The following CLNS1A variants were observed in gnomAD, a reference collection of about 807,000 sequenced individuals.
The protein encoded by CLNS1A is methylosome subunit pICln.
In CLNS1A, 16 loss-of-function variants were observed where a neutral mutation model predicts 29.4. That is an observed-to-expected ratio of 0.54 (90% CI 0.37 to 0.83). The LOEUF is 0.83. Among genes scored for constraint, CLNS1A ranks in the 40% least tolerant of loss-of-function variants. The pLI is 0.00. For missense variants in CLNS1A, 235 were observed against 287.4 expected, an observed-to-expected ratio of 0.82 and a Z score of 1.32; for synonymous variants, 96 against 104.8, an observed-to-expected ratio of 0.92 and a Z score of 0.51.
intron 1 of CLNS1A, among the ~76,000 whole-genome samples, chr11:77,634,064 G>A (rs1590804635): frequency 2.6e-5 from 4 of 151,194 alleles, no homozygotes; most frequent in African/African-American, 9.7e-5. Context: ...TTGCGCCATT[G>A]CATTCCAGCC....
At chr11:77,616,784 C>CT (rs778321720) in intron 6 of CLNS1A, 89 bp from the exon 7 acceptor site, 2 of 152,142 alleles carry the variant, frequency 1.3e-5, no homozygotes, top group Non-Finnish European at 2.9e-5. Context: ...TGCCAGAGGA[C>CT]TTAGGTACAT....
chr11:77,625,531 C>A, intron 3 of CLNS1A, 186 bp downstream of exon 3: 1 of 554,786 alleles, frequency 1.8e-6, no homozygotes, highest in Non-Finnish European at 3.1e-6. Context: ...ACTACATTCA[C>A]AACCTTTGAT....
chr11:77,626,481 A>G (rs1450024252), intron 2 of CLNS1A, among the ~76,000 whole-genome samples: 1 of 152,096 alleles, frequency 6.6e-6, no homozygotes, highest in Non-Finnish European at 1.5e-5. Flanking sequence ...TCTACTAAAA[A>G]TACAAAAATT....
intron 1 of CLNS1A, among the ~76,000 whole-genome samples, chr11:77,630,163 T>C (rs1357811902): frequency 6.6e-6 from 1 of 152,240 alleles, no homozygotes; most frequent in African/African-American, 2.4e-5. Flanking sequence ...TATGTTTCTA[T>C]GACTTTCATG....
At chr11:77,637,501 C>T in intron 1 of CLNS1A, 89 bp downstream of exon 1, 1 of 1,462,758 alleles carries the variant, frequency 6.8e-7, no homozygotes. Context: ...GCCTCCAGGC[C>T]GCCCCTTGCC....
intron 5 of CLNS1A, chr11:77,622,064 G>T (rs569021529): frequency 1.1e-5 from 5 of 456,280 alleles, no homozygotes; most frequent in East Asian, 1.4e-4. Context: ...TGCCTGAATT[G>T]ACAGCCCTCA....
intron 1 of CLNS1A, among the ~76,000 whole-genome samples, chr11:77,633,084 CAA>C (rs887085397): frequency 2.2e-4 from 12 of 55,580 alleles, no homozygotes; most frequent in Middle Eastern, 9.3e-3. Context: ...GACTCCATCT[CAA>C]AAAAAAAAAA....
chr11:77,617,202 C>T (rs936553579), intron 6 of CLNS1A, among the ~76,000 whole-genome samples: 2 of 151,756 alleles, frequency 1.3e-5, no homozygotes, highest in African/African-American at 4.8e-5. Context: ...AACACTGTCT[C>T]TACTAAAATT....
chr11:77,634,910 T>A (rs2135780088), intron 1 of CLNS1A, among the ~76,000 whole-genome samples: 1 of 152,094 alleles, frequency 6.6e-6, no homozygotes, highest in Non-Finnish European at 1.5e-5. Context: ...TCCTCCCACC[T>A]CAGCTCCCCA....
At chr11:77,633,659 T>A (rs933342208) in intron 1 of CLNS1A, among the ~76,000 whole-genome samples, 2 of 152,208 alleles carry the variant, frequency 1.3e-5, no homozygotes, top group Admixed American at 1.3e-4. Context: ...AACTTAATTA[T>A]TTGGTTTAAG....
At chr11:77,634,357 G>C (rs1959102507) in intron 1 of CLNS1A, among the ~76,000 whole-genome samples, 1 of 152,118 alleles carries the variant, frequency 6.6e-6, no homozygotes, top group African/African-American at 2.4e-5. Context: ...ATGAAGAACG[G>C]CTGGACTGTA....
intron 1 of CLNS1A, among the ~76,000 whole-genome samples, chr11:77,635,770 G>C (rs1020560287): frequency 2.6e-5 from 4 of 152,192 alleles, no homozygotes. Context: ...GAATGCCTGG[G>C]AACTAGGAAT....
At chr11:77,628,027 T>C (rs1959038467) in intron 2 of CLNS1A, among the ~76,000 whole-genome samples, 1 of 152,204 alleles carries the variant, frequency 6.6e-6, no homozygotes, top group Admixed American at 6.5e-5. Flanking sequence ...GGTTTCACCA[T>C]GTTGGCCAGG....
Position 77,619,670 on chromosome 11 carries a change from T to C in CLNS1A, c.672A>G (p.Pro224=), listed in dbSNP as rs1958937527. Residue 224 remains proline, a synonymous_variant, in exon 6 of 7, where the codon CCA becomes CCG. Transcript: ENST00000525428. ...YEDGMEVDTT[P]TVAGQFEDAD... is the part of the protein sequence containing the mutation. ...CATCCTCAAACTGTCCAGCAACTGTTGGTGTGGTATCCACCTCCATCCCAT... is the reference window on the plus strand; with the variant it reads ...CATCCTCAAACTGTCCAGCAACTGTCGGTGTGGTATCCACCTCCATCCCAT... 5.0e-6 allele frequency: 8 copies of C among 1,613,900 alleles called. No homozygotes were observed. The highest frequency in any genetic ancestry group is 5.9e-6 in the Non-Finnish European group (7 of 1,179,824).
intron 1 of CLNS1A, among the ~76,000 whole-genome samples, chr11:77,635,297 C>A (rs149653207): frequency 1.3e-5 from 2 of 151,002 alleles, no homozygotes; most frequent in African/African-American, 4.9e-5. Flanking sequence ...ACTAATAAAT[C>A]TTTGTGAAGG....
chr11:77,635,655 G>A (rs1959117762), intron 1 of CLNS1A, among the ~76,000 whole-genome samples: 1 of 151,976 alleles, frequency 6.6e-6, no homozygotes, highest in Non-Finnish European at 1.5e-5. Flanking sequence ...TGGATCTTAG[G>A]TTTGAAATTC....
chr11:77,622,951 A>G (rs1013177832), intron 4 of CLNS1A, among the ~76,000 whole-genome samples: 3 of 146,420 alleles, frequency 2.0e-5, no homozygotes, highest in Non-Finnish European at 4.5e-5. Flanking sequence ...TTGTCTTGGA[A>G]AAAAAAAAAA....
At chr11:77,628,134 G>T (rs1959039913) in intron 2 of CLNS1A, among the ~76,000 whole-genome samples, 1 of 152,094 alleles carries the variant, frequency 6.6e-6, no homozygotes, top group Non-Finnish European at 1.5e-5. Flanking sequence ...TAATGACAGA[G>T]TTTTCTTATT....
At position 77,629,842 on chromosome 11, in the gene CLNS1A, A is replaced by G; in HGVS notation, c.183T>C (p.Ile61=). ...GGTCCCTGGATAATGCATGTAAACT[A>G]ATGGTGGGGTATTCCAGTGAGAATC... ...GLGFSLEYPT[I]SLHALSRDRS... is the part of the protein sequence containing the mutation. Residue 61 remains isoleucine (I), a synonymous_variant, in exon 2 of 7, where the codon ATT becomes ATC. Transcript: ENST00000525428. The G allele has an allele frequency of 6.2e-7, 1 of 1,613,736 alleles. No individual in the cohort carries two copies. Among genetic ancestry groups the G allele is most frequent in the Non-Finnish European group, 8.5e-7 (1 of 1,179,648 alleles).
Sources: gnomAD v4.1 joint callset for allele counts (sites outside exome capture counted in the v4.1 genomes callset) on GRCh38, gnomAD v4.1.1 for gene constraint, MANE v1.5 for transcripts, NCBI Gene and HGNC (gene_info 2026-07-23, HGNC 2026-07-21) for gene names.